The following UBR2 variants were observed in gnomAD, a reference collection of about 807,000 sequenced individuals.
The protein encoded by UBR2 is E3 ubiquitin-protein ligase UBR2.
Under a neutral mutation model 247.9 loss-of-function variants are expected in UBR2, and 92 were observed. The observed-to-expected ratio is 0.37, with a 90% CI of 0.31 to 0.44. The LOEUF is 0.44. UBR2 is among the 20% of genes least tolerant of loss of function. The pLI, the probability that UBR2 is intolerant of heterozygous loss-of-function variation, is 1.00. For synonymous variants in UBR2, 672 were observed against 693.5 expected (o/e 0.97, Z 0.49); for missense variants, 1,613 against 2,112.6 (o/e 0.76, Z 4.64).
At chr6:42,617,339 G>T in intron 10 of UBR2, 70 bp from the exon 11 acceptor site, 1 of 1,613,990 alleles carries the variant, frequency 6.2e-7, no homozygotes, top group Non-Finnish European at 8.5e-7. Context: ...ACCTACTCTG[G>T]TGAGTAGTGC....
chr6:42,673,993 G>T, intron 37 of UBR2, 106 bp downstream of exon 37: 1 of 1,287,968 alleles, frequency 7.8e-7, no homozygotes, highest in Non-Finnish European at 1.1e-6. Context: ...TAGTAGTACT[G>T]GTTTTCTTAT....
chr6:42,655,504 A>G (rs1797393415), intron 25 of UBR2, 117 bp from the exon 26 acceptor site: 2 of 584,214 alleles, frequency 3.4e-6, no homozygotes, highest in South Asian at 5.3e-5. Context: ...TTTTAATTGC[A>G]TTTAGTATTT....
intron 2 of UBR2, among the ~76,000 whole-genome samples, chr6:42,581,733 G>A (rs1221031691): frequency 6.6e-6 from 1 of 152,114 alleles, no homozygotes; most frequent in African/African-American, 2.4e-5. Flanking sequence ...TTAGAAGTTG[G>A]TTCCATTTTA....
intron 1 of UBR2, among the ~76,000 whole-genome samples, chr6:42,565,979 A>G (rs975923664): frequency 1.3e-5 from 2 of 152,190 alleles, no homozygotes; most frequent in Non-Finnish European, 2.9e-5. Flanking sequence ...ATTTGAAAAA[A>G]GAAAATGAAA....
chr6:42,573,719 TTTC>T lies in UBR2; in HGVS notation c.79-9_79-7del, dbSNP rs766791884. The T allele has an allele frequency of 6.7e-6, 10 of 1,497,544 alleles. No homozygotes were observed. The highest frequency in any genetic ancestry group is 8.0e-6 in the Non-Finnish European group (9 of 1,119,978). 92.8% of individuals were successfully genotyped at this position (1,497,544 alleles called of 1,614,324 possible). On this transcript the variant is annotated splice_polypyrimidine_tract_variant and intron_variant, in intron 1 of 46. Transcript: ENST00000372901. Reference sequence around the variant, plus strand: ...TGGTGTTTAAAACCATTTCTTCTCTTTTCTTCTTTTAAAGAAATGGCTGCAAGC... The same window carrying T: ...TGGTGTTTAAAACCATTTCTTCTCTTTTCTTTTAAAGAAATGGCTGCAAGC...
intron 16 of UBR2, among the ~76,000 whole-genome samples, chr6:42,640,592 TGAG>T (rs1377804508): frequency 6.6e-6 from 1 of 152,088 alleles, no homozygotes; most frequent in Non-Finnish European, 1.5e-5. Context: ...GCTGCAGTCT[TGAG>T]TACAGTGGCT....
Position 42,619,438 on chromosome 6 carries a change from TA to T in UBR2, c.1281+1932del, listed in dbSNP as rs1255629557. ...ATATATATATATATATATATATATA[TA>T]TATATATATATATATTTTTTTTTTT... On this transcript the variant is annotated intron_variant, in intron 11 of 46. Transcript: ENST00000372901. The T allele has an allele frequency of 3.7e-3, 112 of 29,962 alleles. 6 individuals carry two copies. Among genetic ancestry groups the T allele is most frequent in the African/African-American group, 9.3e-3 (71 of 7,644 alleles). The allele number at this position is 29,962 out of a possible 1,614,324, so 1.9% of individuals were successfully genotyped here.
At chr6:42,564,799 C>T (rs1202540642) in intron 1 of UBR2, among the ~76,000 whole-genome samples, 3 of 152,142 alleles carry the variant, frequency 2.0e-5, no homozygotes, top group Non-Finnish European at 4.4e-5. Context: ...ATTGCTTTTC[C>T]TGAGACAAGC....
chr6:42,688,261 C>T lies in UBR2; in HGVS notation c.4899C>T (p.Cys1633=). 1 of 1,614,134 alleles carries T rather than the reference C, an allele frequency of 6.2e-7. No homozygotes were observed. Among genetic ancestry groups the T allele is most frequent in the Non-Finnish European group, 8.5e-7 (1 of 1,180,032 alleles). Residue 1633 remains cysteine, a synonymous_variant, in exon 45 of 47, where the codon TGC becomes TGT. Transcript: ENST00000372901. ...GGDKSRAPTL[C]LVCGSLLCSQ... is the part of the protein sequence containing the mutation. ...ATAAGAGCAGAGCCCCAACTCTGTG[C>T]CTTGTGTGCGGATCTCTGCTGTGCT...
At chr6:42,583,453 G>C (rs554911754) in intron 2 of UBR2, among the ~76,000 whole-genome samples, 5 of 150,928 alleles carry the variant, frequency 3.3e-5, no homozygotes, top group Non-Finnish European at 7.4e-5. Flanking sequence ...CCCCATGTTG[G>C]TCAGGCTAGT....
chr6:42,658,441 C>G, intron 28 of UBR2, 121 bp downstream of exon 28: 1 of 1,111,328 alleles, frequency 9.0e-7, no homozygotes, highest in Non-Finnish European at 1.3e-6. Context: ...AGAAATATGC[C>G]ACTATTTATC....
intron 24 of UBR2, 24 bp from the exon 25 acceptor site, chr6:42,652,467 C>A: frequency 6.3e-7 from 1 of 1,575,820 alleles, no homozygotes; most frequent in Non-Finnish European, 8.6e-7. Context: ...TAAAAGAAAC[C>A]AATAATAACA....
intron 41 of UBR2, 53 bp from the exon 42 acceptor site, chr6:42,679,671 C>A: frequency 7.6e-7 from 1 of 1,308,034 alleles, no homozygotes; most frequent in Non-Finnish European, 1.1e-6. Flanking sequence ...AACTCTCATG[C>A]AGAATATGCC....
intron 44 of UBR2, among the ~76,000 whole-genome samples, chr6:42,685,338 CTA>C (rs1799315487): frequency 6.6e-6 from 1 of 151,970 alleles, no homozygotes; most frequent in Non-Finnish European, 1.5e-5. Flanking sequence ...CTGTAGTACT[CTA>C]TACTACATAA....
intron 4 of UBR2, among the ~76,000 whole-genome samples, chr6:42,597,901 G>A (rs1413277377): frequency 3.3e-5 from 5 of 151,044 alleles, no homozygotes; most frequent in Admixed American, 6.6e-5. Context: ...GGACAAGAAC[G>A]AAACTCCATC....
rs748419028 is a variant in UBR2 at position 42,655,692 on chromosome 6, A to G, written c.2841A>G (p.Val947=). The change falls in exon 26 of 47, where the codon GTA becomes GTG. Residue 947 remains valine (V), a synonymous_variant. Transcript: ENST00000372901. Reference sequence around the variant, plus strand: ...TAGAGAATGTCACGGAAGAGCATGTAGTAACATTTACCTTCACTCAGAAGA... The same window carrying G: ...TAGAGAATGTCACGGAAGAGCATGTGGTAACATTTACCTTCACTCAGAAGA... ...QHLENVTEEH[V]VTFTFTQKIS... 6.4e-7 allele frequency: 1 copy of G among 1,554,022 alleles called. No individual in the cohort carries two copies. The highest frequency in any genetic ancestry group is 1.2e-5 in the South Asian group (1 of 80,134).
chr6:42,591,963 C>T (rs969709148), intron 2 of UBR2, among the ~76,000 whole-genome samples, 188 bp from the exon 3 acceptor site: 1 of 152,128 alleles, frequency 6.6e-6, no homozygotes, highest in African/African-American at 2.4e-5. Context: ...ATTATGGAGA[C>T]GCAGGTCCTT....
At chr6:42,649,247 A>G (rs1413676779) in intron 22 of UBR2, among the ~76,000 whole-genome samples, 1 of 152,158 alleles carries the variant, frequency 6.6e-6, no homozygotes, top group Non-Finnish European at 1.5e-5. Context: ...ACTTCAGATG[A>G]TCCAGCCCGC....
chr6:42,564,529 G>A, intron 1 of UBR2, 132 bp downstream of exon 1: 4 of 1,052,158 alleles, frequency 3.8e-6, no homozygotes, highest in Non-Finnish European at 4.1e-6. Context: ...CTCGCCTTGT[G>A]GGGTAATAGC....
Sources: gnomAD v4.1 joint callset for allele counts (sites outside exome capture counted in the v4.1 genomes callset) on GRCh38, gnomAD v4.1.1 for gene constraint, MANE v1.5 for transcripts, NCBI Gene and HGNC (gene_info 2026-07-23, HGNC 2026-07-21) for gene names.